FAM20C: variants seen among roughly 807,000 people sequenced by gnomAD.
FAM20C encodes the protein FAM20C golgi associated secretory pathway kinase.
A neutral mutation model predicts 51.5 loss-of-function variants in FAM20C; 40 were observed. That is an observed-to-expected ratio of 0.78 (90% CI 0.60 to 1.01). The LOEUF (loss-of-function observed/expected upper bound fraction) is 1.01. FAM20C is among the 50% of genes least tolerant of loss of function. The probability of loss-of-function intolerance (pLI) is 0.00; values close to 1 mark genes in which losing one functional copy is unlikely to be tolerated. For missense variants in FAM20C, 861 were observed against 844.7 expected (o/e 1.02, Z -0.24); for synonymous variants, 406 against 380.6 (o/e 1.07, Z -0.78).
chr7:215,268 A>G (rs150492313), intron 3 of FAM20C, among the ~76,000 whole-genome samples: 8,786 of 35,006 alleles, frequency 0.25, 882 homozygotes, highest in Middle Eastern at 0.31. Context: ...GAGAGGATGG[A>G]GCTGGGTGGG....
chr7:247,334 C>A (rs914800100), intron 4 of FAM20C, among the ~76,000 whole-genome samples: 1 of 152,174 alleles, frequency 6.6e-6, no homozygotes, highest in Non-Finnish European at 1.5e-5. Flanking sequence ...ATTGAAGGAC[C>A]TTGCCCTGGT....
At chr7:205,535 C>T (rs1028967649) in intron 2 of FAM20C, among the ~76,000 whole-genome samples, 4 of 152,324 alleles carry the variant, frequency 2.6e-5, no homozygotes, top group Non-Finnish European at 4.4e-5. Flanking sequence ...CCGCCGCACT[C>T]GGGCACTGGG....
At chr7:246,316 G>T in intron 3 of FAM20C, 99 bp from the exon 4 acceptor site, 1 of 1,011,424 alleles carries the variant, frequency 9.9e-7, no homozygotes, top group South Asian at 1.4e-5. Context: ...GAGCTCCACC[G>T]CATTTTTCAT....
intron 3 of FAM20C, among the ~76,000 whole-genome samples, chr7:225,957 C>T (rs28607245): frequency 3.7e-5 from 2 of 53,376 alleles, no homozygotes; most frequent in Admixed American, 2.1e-4. Context: ...TCTCTCATTG[C>T]GCAGAATGGC....
At chr7:253,867 C>A (rs146577662) in intron 5 of FAM20C, among the ~76,000 whole-genome samples, 2 of 152,218 alleles carry the variant, frequency 1.3e-5, no homozygotes, top group African/African-American at 4.8e-5. Context: ...TAACAGCAGA[C>A]GAATTTTAAG....
In FAM20C at chr7:193,434, G is replaced by T. The variant is rs1785679583; in HGVS notation, c.235G>T (p.Asp79Tyr). 7.0e-7 allele frequency: 1 copy of T among 1,422,428 alleles called. No individual in the cohort carries two copies. The allele number at this position is 1,422,428 out of a possible 1,614,324, so 88.1% of individuals were successfully genotyped here. A position where few individuals can be genotyped will look rare whatever the true frequency, so the allele number is the denominator to read the frequency against. ...EPPAASSAAG[D>Y]AGWPNKHTLR... The stretch of plus-strand genomic sequence containing the variant: ...CCCGGCCGCCTCCTCCGCCGCCGGC[G>T]ACGCGGGCTGGCCCAACAAGCACAC... Residue 79 changes from aspartate to tyrosine, a missense_variant, in exon 1 of 10, where the codon GAC becomes TAC. By Grantham distance (160) the Asp-to-Tyr change is radical. This residue lies in a region of FAM20C where 561 missense variants were observed against 499.8 expected (regional missense o/e 1.12). Transcript: ENST00000313766.
chr7:257,278 G>C (rs913997923), intron 8 of FAM20C, 192 bp downstream of exon 8: 1 of 604,068 alleles, frequency 1.7e-6, no homozygotes, highest in African/African-American at 1.9e-5. Context: ...GGCCGCCCCG[G>C]GAGTGGGACC....
At chr7:258,564 A>G (rs533865354) in intron 8 of FAM20C, 82 bp from the exon 9 acceptor site, 1 of 1,394,402 alleles carries the variant, frequency 7.2e-7, no homozygotes, top group Non-Finnish European at 9.8e-7. Context: ...AGGCAGGTGG[A>G]CCCATGGCCC....
Position 206,787 on chromosome 7 carries a change from C to T in FAM20C, c.785-2111C>T, listed in dbSNP as rs112089567. On this transcript the variant is annotated intron_variant, in intron 2 of 9. Transcript: ENST00000313766. ...GCGTCTGTCACGGTCCCCTCGGCCC[C>T]GCACACGTGTCCACTGTGACGCGTC... 8.1e-3 allele frequency among the ~76,000 whole-genome samples: 215 copies of T among 26,528 alleles called. 19 individuals are homozygous for T. Among genetic ancestry groups the T allele is most frequent in the African/African-American group, 0.012 (90 of 7,362 alleles). The allele number at this position is 26,528 out of a possible 152,430, so 17.4% of individuals were successfully genotyped here.
At chr7:248,731 A>G (rs1409601502) in intron 5 of FAM20C, among the ~76,000 whole-genome samples, 2 of 134,044 alleles carry the variant, frequency 1.5e-5, no homozygotes, top group Non-Finnish European at 3.1e-5. Flanking sequence ...GTAGCCTGGC[A>G]TGGGGAGCCC....
At chr7:198,469 G>A (rs919131608) in intron 2 of FAM20C, among the ~76,000 whole-genome samples, 1 of 152,120 alleles carries the variant, frequency 6.6e-6, no homozygotes, top group Non-Finnish European at 1.5e-5. Flanking sequence ...ACGTATTTAG[G>A]GGCAAAACCT....
intron 8 of FAM20C, 126 bp from the exon 9 acceptor site, chr7:258,520 G>A (rs540229614): frequency 3.3e-6 from 3 of 898,452 alleles, no homozygotes; most frequent in East Asian, 5.3e-5. Context: ...CTGGAGATGG[G>A]CTGGGTGGAC....
rs1788161637 is a variant in FAM20C, at chr7:246,427, G to A, written c.876G>A (p.Glu292=). 1 of 1,536,622 alleles carries A rather than the reference G, an allele frequency of 6.5e-7. No individual in the cohort carries two copies. The highest frequency in any genetic ancestry group is 1.4e-5 in the African/African-American group (1 of 73,026). ...ALFKPMKQTR[E]QETPPDFFYF... ...CTTGTTTTCTCAGACAAACGAGGGA[G>A]CAGGAGACACCCCCTGACTTTTTTT... Residue 292 remains glutamate, a synonymous_variant, in exon 4 of 10, where the codon GAG becomes GAA. Coordinates refer to ENST00000313766, the MANE Select transcript of FAM20C (RefSeq NM_020223.4).
intron 5 of FAM20C, among the ~76,000 whole-genome samples, chr7:253,216 C>T (rs190607143): frequency 2.6e-5 from 4 of 152,310 alleles, no homozygotes; most frequent in Admixed American, 2.0e-4. Flanking sequence ...CCGCCGGGCC[C>T]GCAGCTGTCC....
Position 192,677 on chromosome 7 carries a change from TC to T in FAM20C, c.-517del, listed in dbSNP as rs1195926613. ...CCCCTTCCGCCCTTCGCCCCCCCCTTCCCCCCAGCCCCGGTCTCCCGGGCGC... is the reference window on the plus strand; with the variant it reads ...CCCCTTCCGCCCTTCGCCCCCCCCTTCCCCCAGCCCCGGTCTCCCGGGCGC... On this transcript the variant is annotated 5_prime_UTR_variant, in exon 1 of 10. Transcript: ENST00000313766. Among the ~76,000 whole-genome samples, 2 of 139,398 alleles carry T rather than the reference TC, an allele frequency of 1.4e-5. No homozygotes were observed. Among genetic ancestry groups the T allele is most frequent in the Admixed American group, 6.9e-5 (1 of 14,470 alleles). 91.5% of individuals were successfully genotyped at this position (139,398 alleles called of 152,430 possible). A position where few individuals can be genotyped will look rare whatever the true frequency, so the allele number is the denominator to read the frequency against.
At chr7:207,587 G>A (rs900754142) in intron 2 of FAM20C, among the ~76,000 whole-genome samples, 3 of 152,190 alleles carry the variant, frequency 2.0e-5, no homozygotes, top group African/African-American at 4.8e-5. Context: ...CGGAGCAGTC[G>A]CATATGCCAC....
At chr7:204,366 A>G (rs1786256693) in intron 2 of FAM20C, among the ~76,000 whole-genome samples, 1 of 152,228 alleles carries the variant, frequency 6.6e-6, no homozygotes, top group Non-Finnish European at 1.5e-5. Context: ...TGAGGAGGGC[A>G]CGGCCTCTGA....
chr7:199,546 G>C (rs892224338), intron 2 of FAM20C, among the ~76,000 whole-genome samples: 2 of 152,154 alleles, frequency 1.3e-5, no homozygotes, highest in Non-Finnish European at 2.9e-5. Flanking sequence ...CAGAAATATT[G>C]TTGTAATGGA....
intron 2 of FAM20C, among the ~76,000 whole-genome samples, chr7:202,447 G>T (rs868547571): frequency 7.1e-6 from 1 of 140,190 alleles, no homozygotes. Flanking sequence ...ACTGGGGAAT[G>T]GGGGGGCGCT....
Sources: allele counts gnomAD v4.1 joint callset (sites outside exome capture counted in the v4.1 genomes callset), GRCh38; gene constraint gnomAD v4.1.1; regional missense constraint gnomAD v4.1.1; transcripts MANE v1.5; gene names NCBI Gene and HGNC (gene_info 2026-07-23, HGNC 2026-07-21).